The following RAB44 variants were observed in gnomAD, a reference collection of about 807,000 sequenced individuals.
The protein encoded by RAB44 is ras-related protein Rab-44.
A neutral mutation model predicts 93.3 loss-of-function variants in RAB44; 67 were observed. The observed-to-expected ratio is 0.72, with a 90% CI of 0.59 to 0.88. RAB44 has a LOEUF of 0.88. Among genes scored for constraint, RAB44 ranks in the 40% least tolerant of loss-of-function variants. The pLI is 0.00. For missense variants in RAB44, 1,064 were observed against 1,261.7 expected (o/e 0.84, Z 2.37); for synonymous variants, 427 against 520.3 (o/e 0.82, Z 2.44).
At chr6:36,729,843 C>T (rs533531558) in intron 12 of RAB44, among the ~76,000 whole-genome samples, 6 of 152,256 alleles carry the variant, frequency 3.9e-5, no homozygotes, top group East Asian at 1.9e-4. Flanking sequence ...AGCAATTTAT[C>T]GTAAGGGAAG....
At position 36,722,744 on chromosome 6, in the gene RAB44, T is replaced by A; in HGVS notation, c.2599+11T>A. 2 of 1,550,434 alleles carry A rather than the reference T, an allele frequency of 1.3e-6. No homozygotes were observed. Among genetic ancestry groups the A allele is most frequent in the Non-Finnish European group, 1.7e-6 (2 of 1,146,954 alleles). On this transcript the variant is annotated intron_variant, in intron 9 of 13. Coordinates refer to ENST00000612677, the MANE Select transcript of RAB44 (RefSeq NM_001257357.2). ...TGACAGCTACCGTGGGTAAGGGCAT[T>A]GGGGAGGGCGGCAGGGAGCAAGGAG... is the stretch of plus-strand genomic sequence containing the variant.
In RAB44 at chr6:36,723,727, C is replaced by T. The variant is rs149727024; in HGVS notation, c.2599+994C>T. ...GCGGTTGCTTGTAGTCCCAGCTACTCGGGAGGCTGAGGCAGGAGAATGACG... is the reference window on the plus strand; with the variant it reads ...GCGGTTGCTTGTAGTCCCAGCTACTTGGGAGGCTGAGGCAGGAGAATGACG... On this transcript the variant is annotated intron_variant, in intron 9 of 13. Coordinates refer to ENST00000612677, the MANE Select transcript of RAB44 (RefSeq NM_001257357.2). Among the ~76,000 whole-genome samples the T allele has an allele frequency of 2.7e-5, 4 of 149,392 alleles. No homozygotes were observed. In the East Asian group the frequency reaches 6.0e-4, roughly 22 times the overall value.
At chr6:36,703,545 A>C (rs1328992701) in intron 1 of RAB44, among the ~76,000 whole-genome samples, 1 of 152,028 alleles carries the variant, frequency 6.6e-6, no homozygotes, top group Non-Finnish European at 1.5e-5. Flanking sequence ...AGGAACCATG[A>C]GTGGTTCAGT....
rs1562060527 is a variant in RAB44 at position 36,717,954 on chromosome 6, CA to C, written c.642-73del. 4.2e-6 allele frequency: 4 copies of C among 943,718 alleles called. No homozygotes were observed. The highest frequency in any genetic ancestry group is 5.5e-6 in the Non-Finnish European group (4 of 725,056). 58.5% of individuals were successfully genotyped at this position (943,718 alleles called of 1,614,324 possible). Reference sequence around the variant, plus strand: ...ATAGGATGGATTCCAAACCCAAGCCCAGACTGCCCCTGCCAGCAGCAGGCTC... The same window carrying C: ...ATAGGATGGATTCCAAACCCAAGCCCGACTGCCCCTGCCAGCAGCAGGCTC... On this transcript the variant is annotated intron_variant, in intron 5 of 13. Transcript: ENST00000612677. The surrounding 1 kb of genome is among the most constrained non-coding windows in gnomAD (Gnocchi z 4.1).
intron 3 of RAB44, among the ~76,000 whole-genome samples, chr6:36,714,455 C>G (rs1339514634): frequency 6.6e-6 from 1 of 152,194 alleles, no homozygotes; most frequent in African/African-American, 2.4e-5. Flanking sequence ...GTGTGGTGTC[C>G]TCACAGAGCC....
Position 36,720,487 on chromosome 6 carries a change from T to C in RAB44, c.953T>C (p.Val318Ala). The change falls in exon 8 of 14, where the codon GTG becomes GCG. Residue 318 changes from valine to alanine, a missense_variant. Physicochemically the swap from Val to Ala is moderately conservative, Grantham distance 64. Transcript: ENST00000612677. ...GAGGAGGTGCGGGGGCAGCTGCAGG[T>C]GACCAGGGGGCGCCTGGACGCCGCC... ...RLEEVRGQLQ[V>A]TRGRLDAARG... 1.7e-5 allele frequency: 21 copies of C among 1,233,158 alleles called. No homozygotes were observed. Among genetic ancestry groups the C allele is most frequent in the Non-Finnish European group, 2.1e-5 (21 of 988,256 alleles). 76.4% of individuals were successfully genotyped at this position (1,233,158 alleles called of 1,614,324 possible).
chr6:36,724,692 C>T (rs1245901950), intron 9 of RAB44, among the ~76,000 whole-genome samples: 2 of 152,104 alleles, frequency 1.3e-5, no homozygotes, highest in East Asian at 3.9e-4. Context: ...AACCAACCAA[C>T]CAACCAGGCA....
At chr6:36,718,727 G>A (rs1243351813) in intron 7 of RAB44, 139 bp downstream of exon 7, 5 of 426,714 alleles carry the variant, frequency 1.2e-5, no homozygotes, top group Admixed American at 4.4e-5. Context: ...TACATGTGAG[G>A]GCCTGAGACA....
intron 1 of RAB44, among the ~76,000 whole-genome samples, chr6:36,703,397 A>G (rs1208443485): frequency 6.6e-6 from 1 of 152,206 alleles, no homozygotes; most frequent in Non-Finnish European, 1.5e-5. Context: ...GCTTGAATGC[A>G]GGGGTGACTG....
rs976352510 is a variant in RAB44, at chr6:36,721,002, A to G, written c.1017-149A>G. 8 of 644,988 alleles carry G rather than the reference A, an allele frequency of 1.2e-5. No homozygotes were observed. The East Asian group carries it at 2.8e-4, about 22-fold the overall frequency. The allele number at this position is 644,988 out of a possible 1,614,324, so 40.0% of individuals were successfully genotyped here. A position where few individuals can be genotyped will look rare whatever the true frequency, so the allele number is the denominator to read the frequency against. On this transcript the variant is annotated intron_variant, in intron 8 of 13. Coordinates refer to ENST00000612677, the MANE Select transcript of RAB44 (RefSeq NM_001257357.2). ...TGGATGAGGAGGAGGAATGGGGAGCACATACCAGGTGAGAAAGATTGCCTG... is the reference window on the plus strand; with the variant it reads ...TGGATGAGGAGGAGGAATGGGGAGCGCATACCAGGTGAGAAAGATTGCCTG...
chr6:36,722,184 A>C lies in RAB44; in HGVS notation c.2050A>C (p.Arg684=), dbSNP rs183541. 0.87 allele frequency: 1,077,426 copies of C among 1,236,722 alleles called. 470,404 individuals are homozygous for C. Among genetic ancestry groups the C allele is most frequent in the African/African-American group, 0.98 (63,100 of 64,662 alleles). The allele number at this position is 1,236,722 out of a possible 1,614,324, so 76.6% of individuals were successfully genotyped here. The change falls in exon 9 of 14, where the codon AGA becomes CGA. Residue 684 remains arginine (R), a synonymous_variant. Transcript: ENST00000612677. ...GTCTGAGGAAGGAAAACAAGAGGGC[A>C]GAGGTGGGCAGGACCTCAGTTCAGA... The part of the protein sequence containing the change: ...PRSEEGKQEG[R]GGQDLSSEQS...
chr6:36,718,171 T>C, intron 6 of RAB44, 53 bp downstream of exon 6: 1 of 1,170,166 alleles, frequency 8.5e-7, no homozygotes, highest in East Asian at 3.2e-5. Context: ...ACACCTCTGC[T>C]GGCTAAGGAA....
chr6:36,722,240 C>A lies in RAB44; in HGVS notation c.2106C>A (p.Gly702=), dbSNP rs1179396316. The change falls in exon 9 of 14, where the codon GGC becomes GGA. Residue 702 remains glycine, a synonymous_variant. Coordinates refer to ENST00000612677, the MANE Select transcript of RAB44 (RefSeq NM_001257357.2). ...CAGAGCAGTCGGTTGAGGCTCACGG[C>A]CTAGAAACTGCGCATTCGGAACTCC... The part of the protein sequence containing the change: ...EQSEQSVEAH[G]LETAHSELPQ... 1.6e-6 allele frequency: 2 copies of A among 1,273,376 alleles called. No individual in the cohort carries two copies. The highest frequency in any genetic ancestry group is 2.0e-6 in the Non-Finnish European group (2 of 1,011,490). The allele number at this position is 1,273,376 out of a possible 1,614,324, so 78.9% of individuals were successfully genotyped here. A position where few individuals can be genotyped will look rare whatever the true frequency, so the allele number is the denominator to read the frequency against.
rs1413528583 is a variant in RAB44 at position 36,715,629 on chromosome 6, T to G, written c.470T>G (p.Leu157Arg). The G allele has an allele frequency of 1.3e-6, 2 of 1,536,128 alleles. No individual in the cohort carries two copies. The highest frequency in any genetic ancestry group is 2.4e-5 in the South Asian group (2 of 84,062). The change falls in exon 4 of 14, where the codon CTG becomes CGG. Residue 157 changes from leucine (L) to arginine (R), a missense_variant. Coordinates refer to ENST00000612677, the MANE Select transcript of RAB44 (RefSeq NM_001257357.2). ...GCGTTCCTTGCCTTCATGGAGCAGC[T>G]GGGGACTGGACACTTACTTCCCAAG... ...KEAFLAFMEQ[L>R]GTGHLLPKQM...
chr6:36,702,072 G>A (rs1016724189), intron 1 of RAB44, among the ~76,000 whole-genome samples: 2 of 152,070 alleles, frequency 1.3e-5, no homozygotes, highest in African/African-American at 4.8e-5. Context: ...TTCAGAAGAG[G>A]TGTGCTGGTG....
At chr6:36,715,679 G>A in intron 4 of RAB44, 26 bp downstream of exon 4, 1 of 1,532,164 alleles carries the variant, frequency 6.5e-7, no homozygotes, top group Non-Finnish European at 8.7e-7. Context: ...CATGTGCATG[G>A]GGAGAGGCTC....
Position 36,721,726 on chromosome 6 carries a change from G to A in RAB44, c.1592G>A (p.Gly531Asp), listed in dbSNP as rs997610264. 13 of 1,234,252 alleles carry A rather than the reference G, an allele frequency of 1.1e-5. No homozygotes were observed. Among genetic ancestry groups the A allele is most frequent in the African/African-American group, 1.6e-5 (1 of 64,478 alleles). The allele number at this position is 1,234,252 out of a possible 1,614,324, so 76.5% of individuals were successfully genotyped here. Reference protein sequence around the residue: ...QIQASDPDDKGPGSWAPPSGA... With the variant: ...QIQASDPDDKDPGSWAPPSGA... ...CAGGCCTCAGACCCAGATGACAAGG[G>A]CCCTGGGTCTTGGGCTCCTCCCAGC... Residue 531 changes from glycine (G) to aspartate (D), a missense_variant, in exon 9 of 14, where the codon GGC (glycine) becomes GAC (aspartate). By Grantham distance (94) the Gly-to-Asp change is moderately conservative (BLOSUM62 -1). Transcript: ENST00000612677.
chr6:36,717,700 G>A lies in RAB44; in HGVS notation c.641+281G>A, dbSNP rs897611694. The stretch of plus-strand genomic sequence containing the variant: ...AGACTGTAATGCATGTGGTGACCCT[G>A]GAGTTGGGTTATAAGGGCAGGAGGA... On this transcript the variant is annotated intron_variant, in intron 5 of 13. Transcript: ENST00000612677. The surrounding 1 kb of genome is among the most constrained non-coding windows in gnomAD (Gnocchi z 4.1). Among the ~76,000 whole-genome samples, 3 of 137,812 alleles carry A rather than the reference G, an allele frequency of 2.2e-5. No homozygotes were observed. The highest frequency in any genetic ancestry group is 4.9e-5 in the Non-Finnish European group (3 of 60,802). The allele number at this position is 137,812 out of a possible 152,430, so 90.4% of individuals were successfully genotyped here.
chr6:36,699,207 G>T (rs1001166900), intron 1 of RAB44, among the ~76,000 whole-genome samples: 2 of 152,174 alleles, frequency 1.3e-5, no homozygotes, highest in Non-Finnish European at 2.9e-5. Flanking sequence ...GGTGGGGCAG[G>T]CGAGGTGTCT....
Sources: allele counts gnomAD v4.1 joint callset (sites outside exome capture counted in the v4.1 genomes callset), GRCh38; gene constraint gnomAD v4.1.1; non-coding constraint Gnocchi (gnomAD v3.1); transcripts MANE v1.5; gene names NCBI Gene and HGNC (gene_info 2026-07-23, HGNC 2026-07-21).